STK32C: variants seen among roughly 807,000 people sequenced by gnomAD.
STK32C encodes the protein serine/threonine-protein kinase 32C.
Under a neutral mutation model 56.5 loss-of-function variants are expected in STK32C, and 31 were observed. The observed-to-expected ratio is 0.55, with a 90% CI of 0.41 to 0.74. STK32C has a LOEUF of 0.74. Ranked by LOEUF, STK32C falls within the 30% of genes least tolerant of loss-of-function variation. The pLI, the probability that STK32C is intolerant of heterozygous loss-of-function variation, is 0.00. For synonymous variants in STK32C, 309 were observed against 289.4 expected (o/e 1.07, Z -0.69); for missense variants, 544 against 676.9 (o/e 0.80, Z 2.18).
intron 1 of STK32C, among the ~76,000 whole-genome samples, chr10:132,248,162 C>T (rs1565106710): frequency 6.6e-6 from 1 of 152,260 alleles, no homozygotes; most frequent in African/African-American, 2.4e-5. Flanking sequence ...CGCGGCCGCA[C>T]AGGCAGGGAG....
chr10:132,307,919 C>A lies in STK32C; in HGVS notation c.-86G>T. 1 of 1,077,856 alleles carries A rather than the reference C, an allele frequency of 9.3e-7. No homozygotes were observed. The highest frequency in any genetic ancestry group is 2.4e-5 in the South Asian group (1 of 42,230). The allele number at this position is 1,077,856 out of a possible 1,614,324, so 66.8% of individuals were successfully genotyped here. A position where few individuals can be genotyped will look rare whatever the true frequency, so the allele number is the denominator to read the frequency against. On this transcript the variant is annotated 5_prime_UTR_variant, in exon 1 of 12. Coordinates refer to ENST00000298630, the MANE Select transcript of STK32C (RefSeq NM_173575.4). This position sits in a 1 kb window ranked among gnomAD's most constrained non-coding sequence, Gnocchi z 4.4. ...GAGCGGCAGTGGTAGCGGGAGCGCT[C>A]GGGGCCGGCAGCGCCCGCCGTGCGC...
chr10:132,218,805 A>T (rs1565067203), intron 10 of STK32C, among the ~76,000 whole-genome samples: 1 of 152,256 alleles, frequency 6.6e-6, no homozygotes, highest in Non-Finnish European at 1.5e-5. Flanking sequence ...GGAAAGAACA[A>T]ATACTCATCA....
At chr10:132,315,687 T>C (rs755109418) in intron 1 of STK32C, among the ~76,000 whole-genome samples, 7 of 152,184 alleles carry the variant, frequency 4.6e-5, no homozygotes, top group African/African-American at 7.2e-5. Flanking sequence ...ACTAAGGATA[T>C]AGAAGTTTGG....
intron 1 of STK32C, among the ~76,000 whole-genome samples, chr10:132,272,989 G>A (rs1027840081): frequency 1.3e-5 from 2 of 152,156 alleles, no homozygotes; most frequent in South Asian, 2.1e-4. Flanking sequence ...CTTCCCCAGA[G>A]CCGCACGCTT....
chr10:132,312,660 A>G (rs2066243509), upstream of STK32C, among the ~76,000 whole-genome samples: 1 of 152,234 alleles, frequency 6.6e-6, no homozygotes, highest in Non-Finnish European at 1.5e-5. Context: ...TCAATGCTGC[A>G]CTACGTAAAC....
At chr10:132,235,632 G>A (rs992436611) in intron 2 of STK32C, among the ~76,000 whole-genome samples, 3 of 152,112 alleles carry the variant, frequency 2.0e-5, no homozygotes, top group African/African-American at 7.2e-5. Flanking sequence ...AGGTGACGTG[G>A]GCAGCAGAAG....
intron 1 of STK32C, among the ~76,000 whole-genome samples, chr10:132,291,339 T>C (rs1590409844): frequency 6.6e-6 from 1 of 152,126 alleles, no homozygotes. Flanking sequence ...GGTGACCCTG[T>C]CCCCTTGGAT....
At chr10:132,240,643 T>C (rs148321704) in intron 2 of STK32C, among the ~76,000 whole-genome samples, 1 of 152,140 alleles carries the variant, frequency 6.6e-6, no homozygotes, top group East Asian at 1.9e-4. Context: ...TGACCTGTTT[T>C]CTTAGTTATT....
upstream of STK32C, among the ~76,000 whole-genome samples, chr10:132,308,764 C>T (rs943191018): frequency 1.3e-5 from 2 of 152,152 alleles, no homozygotes; most frequent in Non-Finnish European, 2.9e-5. Flanking sequence ...CCTCGGCACT[C>T]GGCGTATTTC....
chr10:132,296,895 G>A (rs1047773419), intron 1 of STK32C, among the ~76,000 whole-genome samples: 5 of 152,238 alleles, frequency 3.3e-5, no homozygotes, highest in South Asian at 2.1e-4. Flanking sequence ...AAGCCTCTGC[G>A]GCTCTGGAAA....
At chr10:132,264,176 C>T (rs2064413160) in intron 1 of STK32C, among the ~76,000 whole-genome samples, 1 of 152,174 alleles carries the variant, frequency 6.6e-6, no homozygotes, top group Non-Finnish European at 1.5e-5. Flanking sequence ...AGAGTATGTT[C>T]TCAACATTGT....
intron 1 of STK32C, among the ~76,000 whole-genome samples, chr10:132,289,712 G>A (rs1312690468): frequency 6.6e-6 from 1 of 152,234 alleles, no homozygotes; most frequent in East Asian, 1.9e-4. Context: ...GGGTAGAAAG[G>A]TGGTGACAGA....
At chr10:132,308,802 G>A (rs1048114081), upstream of STK32C, among the ~76,000 whole-genome samples, 3 of 152,162 alleles carry the variant, frequency 2.0e-5, no homozygotes, top group African/African-American at 4.8e-5. Context: ...CTTGACCTCC[G>A]GGCACCTCTG....
In STK32C at chr10:132,255,553, C is replaced by T. The variant is rs752883567; in HGVS notation, c.263-9598G>A. Among the ~76,000 whole-genome samples the T allele has an allele frequency of 2.6e-5, 4 of 152,320 alleles. No homozygotes were observed. The highest frequency in any genetic ancestry group is 2.1e-4 in the South Asian group (1 of 4,832). On this transcript the variant is annotated intron_variant, in intron 1 of 11. Coordinates refer to ENST00000298630, the MANE Select transcript of STK32C (RefSeq NM_173575.4). This position sits in a 1 kb window ranked among gnomAD's most constrained non-coding sequence, Gnocchi z 4.6. ...CGCTGGGCAGGGGTGAGGAGGCTCC[C>T]GAGTTACAGCGGAGAACATAGAGCA...
intron 1 of STK32C, among the ~76,000 whole-genome samples, chr10:132,301,481 C>T (rs11146322): frequency 0.21 from 31,879 of 152,140 alleles, 3,949 homozygotes; most frequent in Non-Finnish European, 0.3. Flanking sequence ...CAGCTGGGAG[C>T]GCCCGTTAGG....
chr10:132,284,292 GGGGGGCA>G (rs2065309255), intron 1 of STK32C, among the ~76,000 whole-genome samples: 2 of 119,042 alleles, frequency 1.7e-5, no homozygotes, highest in African/African-American at 6.5e-5. Flanking sequence ...GTGAGGTTGG[GGGGGGCA>G]GGTGAGGTTG....
chr10:132,281,105 G>A (rs916242399), intron 1 of STK32C, among the ~76,000 whole-genome samples: 1 of 151,822 alleles, frequency 6.6e-6, no homozygotes, highest in Non-Finnish European at 1.5e-5. Context: ...TGCACTCCAT[G>A]ATCATGCCAC....
chr10:132,261,364 G>A (rs1451061963), intron 1 of STK32C, among the ~76,000 whole-genome samples: 1 of 152,126 alleles, frequency 6.6e-6, no homozygotes, highest in Non-Finnish European at 1.5e-5. Context: ...ACCAAATCAA[G>A]AATACAATCC....
intron 1 of STK32C, among the ~76,000 whole-genome samples, chr10:132,303,216 AAAGAGGAGAACTAATGCGAG>A (rs1296127752): frequency 6.6e-6 from 1 of 152,242 alleles, no homozygotes; most frequent in African/African-American, 2.4e-5. Context: ...TCATCCTGGG[AAAGAGGAGAACTAATGCGAG>A]AAGGAGAGAG....
Sources: allele counts gnomAD v4.1 joint callset (sites outside exome capture counted in the v4.1 genomes callset), GRCh38; gene constraint gnomAD v4.1.1; non-coding constraint Gnocchi (gnomAD v3.1); transcripts MANE v1.5; gene names NCBI Gene and HGNC (gene_info 2026-07-23, HGNC 2026-07-21).